Variants in FHOD3 observed in about 807,000 individuals in gnomAD.
FHOD3 encodes the protein FH1/FH2 domain-containing protein 3.
A neutral mutation model predicts 173.0 loss-of-function variants in FHOD3; 90 were observed. That is an observed-to-expected ratio of 0.52 (90% CI 0.44 to 0.62). FHOD3 has a LOEUF of 0.62. Among genes scored for constraint, FHOD3 ranks in the 20% least tolerant of loss-of-function variants. The probability of loss-of-function intolerance (pLI) is 0.00; values close to 1 mark genes in which losing one functional copy is unlikely to be tolerated. For synonymous variants in FHOD3, 828 were observed against 823.0 expected (o/e 1.01, Z -0.10); for missense variants, 1,945 against 2,034.7 (o/e 0.96, Z 0.85).
intron 3 of FHOD3, among the ~76,000 whole-genome samples, chr18:36,485,036 A>G (rs1257897826): frequency 1.3e-5 from 2 of 152,066 alleles, no homozygotes; most frequent in African/African-American, 4.8e-5. Context: ...CTGCTCTACA[A>G]TGATCTGGGA....
At chr18:36,459,429 G>T (rs1439738022) in intron 3 of FHOD3, among the ~76,000 whole-genome samples, 2 of 152,188 alleles carry the variant, frequency 1.3e-5, no homozygotes. Flanking sequence ...TGGGCGAACC[G>T]CCTCGCTGGC....
intron 3 of FHOD3, among the ~76,000 whole-genome samples, chr18:36,472,055 T>C (rs866570386): frequency 7.2e-5 from 11 of 152,290 alleles, no homozygotes; most frequent in Middle Eastern, 6.8e-3. Context: ...CTTGAAAAAA[T>C]GGAAGTCTCT....
chr18:36,584,597 T>C (rs1568458194), intron 6 of FHOD3, among the ~76,000 whole-genome samples: 1 of 152,192 alleles, frequency 6.6e-6, no homozygotes. Flanking sequence ...ATTTCATTAA[T>C]AGAAATTCAA....
intron 5 of FHOD3, among the ~76,000 whole-genome samples, chr18:36,524,945 T>A (rs1478139840): frequency 1.3e-5 from 2 of 152,116 alleles, no homozygotes; most frequent in Non-Finnish European, 2.9e-5. Context: ...TTAGAAATTG[T>A]GCCATCAAGC....
At chr18:36,551,880 T>C (rs1599622787) in intron 5 of FHOD3, among the ~76,000 whole-genome samples, 1 of 152,364 alleles carries the variant, frequency 6.6e-6, no homozygotes, top group African/African-American at 2.4e-5. Context: ...ACCAGTACCA[T>C]GCTGTTTTGG....
In FHOD3 at chr18:36,740,408, T is replaced by C. The variant is rs1213481382; in HGVS notation, c.3577-248T>C. 2.6e-5 allele frequency among the ~76,000 whole-genome samples: 4 copies of C among 152,288 alleles called. No individual in the cohort carries two copies. The East Asian group carries it at 5.8e-4, about 22-fold the overall frequency. ...TAGGGAATAGGGAGCTGTTCTCTAATCTTGTGTTTTGTTTTTCATCTTTCT... is the reference window on the plus strand; with the variant it reads ...TAGGGAATAGGGAGCTGTTCTCTAACCTTGTGTTTTGTTTTTCATCTTTCT... On this transcript the variant is annotated intron_variant, in intron 20 of 28. Transcript: ENST00000590592.
At chr18:36,688,581 T>G (rs1458007570) in intron 16 of FHOD3, among the ~76,000 whole-genome samples, 1 of 152,250 alleles carries the variant, frequency 6.6e-6, no homozygotes. Flanking sequence ...ACCTGTTTTT[T>G]ACATCAGAGG....
At chr18:36,460,860 T>C (rs1020593188) in intron 3 of FHOD3, among the ~76,000 whole-genome samples, 3 of 152,142 alleles carry the variant, frequency 2.0e-5, no homozygotes, top group Non-Finnish European at 4.4e-5. Flanking sequence ...GAGATTATTA[T>C]TAGGTTTCCT....
intron 14 of FHOD3, among the ~76,000 whole-genome samples, chr18:36,658,406 C>G (rs1281799842): frequency 6.6e-6 from 1 of 152,112 alleles, no homozygotes; most frequent in Admixed American, 6.5e-5. Context: ...AGCGTCTCAT[C>G]CCCCTACACA....
rs1889962653 is a variant in FHOD3 at position 36,612,001 on chromosome 18, G to T, written c.863G>T (p.Cys288Phe). The change falls in exon 9 of 29, where the codon TGC becomes TTC. Residue 288 changes from cysteine to phenylalanine, a missense_variant. Physicochemically the swap from Cys to Phe is radical, Grantham distance 205 (BLOSUM62 -2). Transcript: ENST00000590592. ...GACACCTTCTACGACGTCGTGGACT[G>T]CCTGGAGGAGCTGGGCATTGCTGCT... Reference protein sequence around the residue: ...DQDTFYDVVDCLEELGIAAVS... With the variant: ...DQDTFYDVVDFLEELGIAAVS... The T allele has an allele frequency of 6.2e-7, 1 of 1,614,064 alleles. No individual in the cohort carries two copies. Among genetic ancestry groups the T allele is most frequent in the Admixed American group, 1.7e-5 (1 of 60,004 alleles).
Position 36,570,446 on chromosome 18 carries a change from CT to C in FHOD3, c.512-6004del, listed in dbSNP as rs113249747. 9.3e-4 allele frequency among the ~76,000 whole-genome samples: 142 copies of C among 152,162 alleles called. 2 individuals are homozygous for C. The highest frequency in any genetic ancestry group is 3.2e-3 in the African/African-American group (135 of 41,546). On this transcript the variant is annotated intron_variant, in intron 5 of 28. Transcript: ENST00000590592. ...AATATCTCCAGCCCCAAACAGTTGC[CT>C]GGTGAATTCCACCAAACATTTAAAG...
At chr18:36,336,582 A>G (rs2145348436) in intron 1 of FHOD3, among the ~76,000 whole-genome samples, 1 of 152,222 alleles carries the variant, frequency 6.6e-6, no homozygotes, top group Middle Eastern at 3.4e-3. Context: ...CAAGCCTGTA[A>G]TCCCAGCACT....
intron 5 of FHOD3, among the ~76,000 whole-genome samples, chr18:36,548,972 A>G (rs1295875842): frequency 6.6e-6 from 1 of 152,238 alleles, no homozygotes; most frequent in Non-Finnish European, 1.5e-5. Flanking sequence ...TAAGGTAGGT[A>G]TCTGTTTAGC....
chr18:36,651,966 G>A (rs2036083895), intron 11 of FHOD3, among the ~76,000 whole-genome samples: 1 of 152,144 alleles, frequency 6.6e-6, no homozygotes, highest in South Asian at 2.1e-4. Context: ...CCTGGAGAAA[G>A]TATGAAACGG....
intron 5 of FHOD3, among the ~76,000 whole-genome samples, chr18:36,515,045 G>A (rs1254153952): frequency 1.3e-5 from 2 of 152,126 alleles, no homozygotes; most frequent in Non-Finnish European, 2.9e-5. Context: ...TCCCACCAGC[G>A]GCCTGCAGGC....
At chr18:36,730,363 ATT>A (rs903116066) in intron 19 of FHOD3, among the ~76,000 whole-genome samples, 1 of 151,898 alleles carries the variant, frequency 6.6e-6, no homozygotes, top group Non-Finnish European at 1.5e-5. Flanking sequence ...GAAAAAACAG[ATT>A]TTTTTTTCTT....
At chr18:36,569,155 C>G (rs974921230) in intron 5 of FHOD3, among the ~76,000 whole-genome samples, 2 of 152,090 alleles carry the variant, frequency 1.3e-5, no homozygotes, top group Non-Finnish European at 2.9e-5. Context: ...TTACATATGA[C>G]TGGTCTAATC....
chr18:36,763,071 ATTATACACGTTATATATAATATGCG>A (rs2042963281), intron 27 of FHOD3, among the ~76,000 whole-genome samples: 9 of 148,466 alleles, frequency 6.1e-5, no homozygotes, highest in African/African-American at 2.0e-4. Flanking sequence ...TAATATGCGT[ATTATACACGTTATATATAATATGCG>A]TATTATACAC....
intron 3 of FHOD3, among the ~76,000 whole-genome samples, chr18:36,411,961 C>T (rs1218243942): frequency 3.3e-5 from 5 of 152,220 alleles, no homozygotes; most frequent in Non-Finnish European, 5.9e-5. Context: ...CCAGATGCTC[C>T]TAAAATAGAC....
Sources: gnomAD v4.1 joint callset for allele counts (sites outside exome capture counted in the v4.1 genomes callset) on GRCh38, gnomAD v4.1.1 for gene constraint, MANE v1.5 for transcripts, NCBI Gene and HGNC (gene_info 2026-07-23, HGNC 2026-07-21) for gene names.